The following ZNF141 variants were observed in gnomAD, a reference collection of about 807,000 sequenced individuals.
The protein encoded by ZNF141 is zinc finger protein 141, also known as zinc finger protein 141 (clone pHZ-44).
Under a neutral mutation model 11.3 loss-of-function variants are expected in ZNF141, and 7 were observed. The observed-to-expected ratio is 0.62, with a 90% CI of 0.35 to 1.16. ZNF141 has a LOEUF of 1.16. ZNF141 is among the 50% of genes most tolerant of loss of function. ZNF141 has a pLI of 0.02. For missense variants in ZNF141, 535 were observed against 554.0 expected, an observed-to-expected ratio of 0.97 and a Z score of 0.34; for synonymous variants, 183 against 190.7, an observed-to-expected ratio of 0.96 and a Z score of 0.33.
Position 373,600 on chromosome 4 carries a change from T to A in ZNF141, c.1163T>A (p.Ile388Asn), listed in dbSNP as rs782565943. The A allele has an allele frequency of 1.2e-5, 19 of 1,613,902 alleles. No individual in the cohort carries two copies. Among genetic ancestry groups the A allele is most frequent in the Non-Finnish European group, 1.6e-5 (19 of 1,180,002 alleles). ...AGGGTCCTGAATGAACATAAAAAAA[T>A]TCATACTGGAGAGAAACCCTACAAA... ...RSRVLNEHKK[I>N]HTGEKPYKCE... The change falls in exon 4 of 4, where the codon ATT becomes AAT. Residue 388 changes from isoleucine to asparagine, a missense_variant. Ile to Asn is a moderately radical substitution (Grantham distance 149). Transcript: ENST00000240499.
intron 1 of ZNF141, among the ~76,000 whole-genome samples, chr4:341,072 C>CTTT (rs34755542): frequency 1.4e-5 from 2 of 142,844 alleles, no homozygotes; most frequent in Admixed American, 7.0e-5. Flanking sequence ...AAACATTTTT[C>CTTT]TTTTTTTTTT....
chr4:344,000 T>C, intron 2 of ZNF141, 92 bp downstream of exon 2: 2 of 1,508,974 alleles, frequency 1.3e-6, no homozygotes, highest in Non-Finnish European at 1.8e-6. Flanking sequence ...TTATGTTTTA[T>C]CTTTACATAA....
chr4:364,830 A>G (rs1288559499), intron 3 of ZNF141, among the ~76,000 whole-genome samples: 2 of 152,136 alleles, frequency 1.3e-5, no homozygotes, highest in Admixed American at 6.5e-5. Context: ...TCAGATCTCA[A>G]ACACCATGCT....
chr4:344,621 C>T (rs1553849253), intron 3 of ZNF141, among the ~76,000 whole-genome samples, 191 bp downstream of exon 3: 1 of 152,060 alleles, frequency 6.6e-6, no homozygotes, highest in African/African-American at 2.4e-5. Flanking sequence ...TGGTGAAACC[C>T]CGTCTCTACT....
Position 375,107 on chromosome 4 carries a change from TAA to T in ZNF141, c.*1250_*1251del, listed in dbSNP as rs1165707567. The T allele has an allele frequency of 6.6e-6, 1 of 152,102 alleles. No individual in the cohort carries two copies. The highest frequency in any genetic ancestry group is 1.5e-5 in the Non-Finnish European group (1 of 67,978). The allele number at this position is 152,102 out of a possible 1,614,324, so 9.4% of individuals were successfully genotyped here. The stretch of plus-strand genomic sequence containing the variant: ...ATATTCGAGAAAAGTTATAGAAATA[TAA>T]AAAATATAGAAAAGTCATATCTCCT... On this transcript the variant is annotated 3_prime_UTR_variant, in exon 4 of 4. Coordinates refer to ENST00000240499, the MANE Select transcript of ZNF141 (RefSeq NM_003441.4).
At position 337,932 on chromosome 4, in the gene ZNF141, G is replaced by A; in HGVS notation, c.-52G>A. The A allele has an allele frequency of 9.3e-6, 15 of 1,610,576 alleles. No individual in the cohort carries two copies. The highest frequency in any genetic ancestry group is 1.2e-5 in the Non-Finnish European group (14 of 1,177,750). The stretch of plus-strand genomic sequence containing the variant: ...CAGCCTCCGTCGCTCTGTGACCTGC[G>A]GGTATTGGATGATTGGTAGCTAAGA... On this transcript the variant is annotated 5_prime_UTR_variant, in exon 1 of 4. Transcript: ENST00000240499.
intron 3 of ZNF141, among the ~76,000 whole-genome samples, chr4:346,253 A>G (rs1721313852): frequency 6.6e-6 from 1 of 152,244 alleles, no homozygotes; most frequent in African/African-American, 2.4e-5. Flanking sequence ...TTAACAATGC[A>G]GTTTTTAAGA....
rs1712608156 is a variant in ZNF141, at chr4:381,399, G to GTTTTTTT, written c.*7537_*7538insTTTTTTT. Among the ~76,000 whole-genome samples, 1 of 117,282 alleles carries GTTTTTTT rather than the reference G, an allele frequency of 8.5e-6. No individual in the cohort carries two copies. Among genetic ancestry groups the GTTTTTTT allele is most frequent in the African/African-American group, 3.5e-5 (1 of 28,370 alleles). 76.9% of individuals were successfully genotyped at this position (117,282 alleles called of 152,430 possible). A position where few individuals can be genotyped will look rare whatever the true frequency, so the allele number is the denominator to read the frequency against. On this transcript the variant is annotated 3_prime_UTR_variant, in exon 4 of 4. Transcript: ENST00000240499. ...ACTATTTAATACAGACTTCAAATGT[G>GTTTTTTT]CTTTTTTTTTTTTTTTTTTTTTTTT...
chr4:384,275 T>G lies in ZNF141; in HGVS notation c.*10413T>G, dbSNP rs1329920569. The G allele has an allele frequency of 2.6e-5, 4 of 152,174 alleles. No homozygotes were observed. Among genetic ancestry groups the G allele is most frequent in the Non-Finnish European group, 4.4e-5 (3 of 68,036 alleles). The allele number at this position is 152,174 out of a possible 1,614,324, so 9.4% of individuals were successfully genotyped here. A position where few individuals can be genotyped will look rare whatever the true frequency, so the allele number is the denominator to read the frequency against. Reference sequence around the variant, plus strand: ...GTGAGGAGATCTGAAGACATGGTGCTCTCTCTTCCTGTGGACCCATCATTC... The same window carrying G: ...GTGAGGAGATCTGAAGACATGGTGCGCTCTCTTCCTGTGGACCCATCATTC... On this transcript the variant is annotated 3_prime_UTR_variant, in exon 4 of 4. Transcript: ENST00000240499.
intron 3 of ZNF141, among the ~76,000 whole-genome samples, chr4:366,049 C>T (rs1024403437): frequency 9.2e-5 from 14 of 152,124 alleles, no homozygotes; most frequent in Admixed American, 4.6e-4. Flanking sequence ...TAGCATATTT[C>T]GGAGTCAGGT....
Position 375,577 on chromosome 4 carries a change from T to C in ZNF141, c.*1715T>C, listed in dbSNP as rs761180665. Among the ~76,000 whole-genome samples, 1 of 152,052 alleles carries C rather than the reference T, an allele frequency of 6.6e-6. No individual in the cohort carries two copies. The highest frequency in any genetic ancestry group is 1.5e-5 in the Non-Finnish European group (1 of 67,922). On this transcript the variant is annotated 3_prime_UTR_variant, in exon 4 of 4. Transcript: ENST00000240499. ...TTAGACACTGCAGTAAATCAGAGTA[T>C]TAAGTATTAAAAAAATCCAAAGTTG...
At chr4:344,251 C>G in intron 2 of ZNF141, 84 bp from the exon 3 acceptor site, 1 of 1,188,384 alleles carries the variant, frequency 8.4e-7, no homozygotes, top group Non-Finnish European at 1.2e-6. Context: ...CATAATATCT[C>G]TATTCTGCTT....
At position 372,799 on chromosome 4, in the gene ZNF141, A is replaced by ATG; in HGVS notation, c.363_364dup (p.Glu122ValfsTer66). On this transcript the variant is annotated frameshift_variant, in exon 4 of 4. Coordinates refer to ENST00000240499, the MANE Select transcript of ZNF141 (RefSeq NM_003441.4). LOFTEE classifies it low-confidence loss of function (END_TRUNC). ...TTAAGAAAAGGCTGTAAAAGTTTGAATGAGTGTAAGTTGCAGAAAGGAGGT... is the reference window on the plus strand; with the variant it reads ...TTAAGAAAAGGCTGTAAAAGTTTGAATGTGAGTGTAAGTTGCAGAAAGGAGGT... The ATG allele has an allele frequency of 6.2e-7, 1 of 1,613,992 alleles. No homozygotes were observed. Among genetic ancestry groups the ATG allele is most frequent in the African/African-American group, 1.3e-5 (1 of 75,060 alleles).
chr4:373,149 A>G lies in ZNF141; in HGVS notation c.712A>G (p.Thr238Ala). The change falls in exon 4 of 4, where the codon ACA becomes GCA. Residue 238 changes from threonine to alanine, a missense_variant. Coordinates refer to ENST00000240499, the MANE Select transcript of ZNF141 (RefSeq NM_003441.4). The part of the protein sequence containing the change: ...TCEECGSIFT[T>A]SSHFAKHKII... ...TGAAGAATGTGGCAGCATCTTTACC[A>G]CATCCTCACACTTTGCTAAGCATAA... 1.2e-6 allele frequency: 2 copies of G among 1,613,994 alleles called. No homozygotes were observed. Among genetic ancestry groups the G allele is most frequent in the Non-Finnish European group, 1.7e-6 (2 of 1,179,980 alleles).
At position 373,749 on chromosome 4, in the gene ZNF141, C is replaced by T; in HGVS notation, c.1312C>T (p.Leu438=). The change falls in exon 4 of 4, where the codon CTG becomes TTG. Residue 438 remains leucine, a synonymous_variant. Coordinates refer to ENST00000240499, the MANE Select transcript of ZNF141 (RefSeq NM_003441.4). The part of the protein sequence containing the change: ...CDKAFKQFSL[L]SQHKKIHTVD... ...CAAAGCCTTTAAACAATTTTCGCTC[C>T]TGAGTCAACATAAGAAAATTCATAC... 6.2e-7 allele frequency: 1 copy of T among 1,614,106 alleles called. No individual in the cohort carries two copies.
chr4:349,407 C>T (rs1215064270), intron 3 of ZNF141, among the ~76,000 whole-genome samples: 2 of 152,192 alleles, frequency 1.3e-5, no homozygotes, highest in Non-Finnish European at 2.9e-5. Flanking sequence ...TATCCACAAA[C>T]AGTAACTTTT....
At chr4:344,548 G>A in intron 3 of ZNF141, 118 bp downstream of exon 3, 1 of 743,334 alleles carries the variant, frequency 1.3e-6, no homozygotes, top group Admixed American at 3.0e-5. Flanking sequence ...GTAATCCAAG[G>A]ACTTTGGGAG....
rs1553856184 is a variant in ZNF141 at position 384,754 on chromosome 4, G to C, written c.*10892G>C. On this transcript the variant is annotated 3_prime_UTR_variant, in exon 4 of 4. Transcript: ENST00000240499. ...GGCAGAACCCACAGAAGACTTCCTC[G>C]TTCTTGCCACATAAAAGACCCAGAA... The C allele has an allele frequency of 2.0e-5, 3 of 152,148 alleles. No individual in the cohort carries two copies. Among genetic ancestry groups the C allele is most frequent in the Non-Finnish European group, 4.4e-5 (3 of 68,072 alleles). 9.4% of individuals were successfully genotyped at this position (152,148 alleles called of 1,614,324 possible).
chr4:344,091 G>C (rs1169237636), intron 2 of ZNF141, among the ~76,000 whole-genome samples, 183 bp downstream of exon 2: 1 of 152,028 alleles, frequency 6.6e-6, no homozygotes, highest in African/African-American at 2.4e-5. Context: ...ATAAAATATT[G>C]TTTCCCACAT....
Sources: allele counts gnomAD v4.1 joint callset (sites outside exome capture counted in the v4.1 genomes callset), GRCh38; gene constraint gnomAD v4.1.1; transcripts MANE v1.5; gene names NCBI Gene and HGNC (gene_info 2026-07-23, HGNC 2026-07-21).